Variants in LMO7 observed in about 807,000 individuals in gnomAD.
LMO7 encodes LIM domain only protein 7.
In LMO7, 120 loss-of-function variants were observed where a neutral mutation model predicts 206.5. The ratio of observed to expected loss-of-function variants is 0.58; its 90% CI spans 0.50 to 0.68. The LOEUF (loss-of-function observed/expected upper bound fraction) is 0.68. Among genes scored for constraint, LMO7 ranks in the 30% least tolerant of loss-of-function variants. The probability of loss-of-function intolerance (pLI) is 0.00; values close to 1 mark genes in which losing one functional copy is unlikely to be tolerated. For synonymous variants in LMO7, 706 were observed against 681.5 expected (o/e 1.04, Z -0.56); for missense variants, 1,959 against 1,957.9 (o/e 1.00, Z -0.01).
At chr13:75,752,997 A>G (rs1194056146) in intron 3 of LMO7, among the ~76,000 whole-genome samples, 5 of 152,016 alleles carry the variant, frequency 3.3e-5, no homozygotes, top group African/African-American at 1.2e-4. Flanking sequence ...TAGTTCTTTG[A>G]CAGATCTCCA....
chr13:75,790,402 A>G (rs1440946132), intron 4 of LMO7, among the ~76,000 whole-genome samples: 1 of 152,132 alleles, frequency 6.6e-6, no homozygotes, highest in Non-Finnish European at 1.5e-5. Context: ...GAAGTGATGC[A>G]ATCAAGTTCT....
At chr13:75,807,079 C>T in intron 9 of LMO7, 1 of 175,058 alleles carries the variant, frequency 5.7e-6, no homozygotes, top group Non-Finnish European at 1.2e-5. Context: ...AGAGATGGCG[C>T]CACTGCACTC....
chr13:75,835,091 G>T, intron 17 of LMO7, 142 bp from the exon 18 acceptor site: 2 of 1,026,384 alleles, frequency 1.9e-6, no homozygotes, highest in South Asian at 5.2e-5. Context: ...TGCATTCAAT[G>T]ACTTTATTCT....
chr13:75,720,844 A>G (rs543084527), intron 2 of LMO7, among the ~76,000 whole-genome samples: 9 of 152,224 alleles, frequency 5.9e-5, no homozygotes, highest in Non-Finnish European at 1.0e-4. Flanking sequence ...TTACTACCAT[A>G]GAAATTCTAG....
chr13:75,639,435 C>G (rs559687128), intron 1 of LMO7, among the ~76,000 whole-genome samples: 1 of 152,106 alleles, frequency 6.6e-6, no homozygotes, highest in African/African-American at 2.4e-5. Flanking sequence ...GTTGGAAAGG[C>G]TGTTTGATAC....
At chr13:75,837,545 A>G (rs964549602) in intron 19 of LMO7, among the ~76,000 whole-genome samples, 6 of 152,126 alleles carry the variant, frequency 3.9e-5, no homozygotes. Flanking sequence ...AGAAGTCAGA[A>G]TGTTTTTCTT....
intron 15 of LMO7, among the ~76,000 whole-genome samples, chr13:75,830,939 G>A (rs543001055): frequency 6.6e-6 from 1 of 151,620 alleles, no homozygotes; most frequent in Non-Finnish European, 1.5e-5. Context: ...TTGTCTGTTT[G>A]TCTCTCTTCC....
chr13:75,798,209 A>G (rs746415946), intron 6 of LMO7, among the ~76,000 whole-genome samples: 1 of 152,170 alleles, frequency 6.6e-6, no homozygotes, highest in Non-Finnish European at 1.5e-5. Flanking sequence ...CATCTCTACT[A>G]AAAATACAAA....
At chr13:75,765,459 G>A (rs547409809) in intron 4 of LMO7, among the ~76,000 whole-genome samples, 1 of 148,782 alleles carries the variant, frequency 6.7e-6, no homozygotes, top group East Asian at 2.0e-4. Flanking sequence ...CAACTCATGT[G>A]ACTATTTTAA....
At chr13:75,665,400 T>A (rs1013644266) in intron 1 of LMO7, among the ~76,000 whole-genome samples, 8 of 152,284 alleles carry the variant, frequency 5.3e-5, no homozygotes, top group Admixed American at 2.6e-4. Context: ...TAGATATTTT[T>A]AAAAATTTTT....
chr13:75,768,686 G>A (rs1279175045), intron 4 of LMO7, among the ~76,000 whole-genome samples: 7 of 152,056 alleles, frequency 4.6e-5, no homozygotes, highest in East Asian at 3.9e-4. Flanking sequence ...TCTGTGAAAA[G>A]TGTCATTTTG....
intron 2 of LMO7, among the ~76,000 whole-genome samples, chr13:75,726,806 C>A (rs508596): frequency 0.51 from 77,837 of 151,896 alleles, 21,377 homozygotes; most frequent in African/African-American, 0.71. Flanking sequence ...GTCTGTGTCT[C>A]CACATAAAGG....
chr13:75,720,603 A>G (rs1030845740), intron 2 of LMO7, among the ~76,000 whole-genome samples: 6 of 152,306 alleles, frequency 3.9e-5, no homozygotes, highest in Middle Eastern at 3.4e-3. Context: ...TGCTATAATT[A>G]TTGAGGGTCT....
chr13:75,671,961 T>A (rs2039621796), intron 1 of LMO7, among the ~76,000 whole-genome samples: 1 of 152,170 alleles, frequency 6.6e-6, no homozygotes, highest in African/African-American at 2.4e-5. Flanking sequence ...AAGTTTTGAA[T>A]GCTTTGGATA....
At chr13:75,648,163 G>T (rs1172365954) in intron 1 of LMO7, among the ~76,000 whole-genome samples, 1 of 151,856 alleles carries the variant, frequency 6.6e-6, no homozygotes, top group African/African-American at 2.4e-5. Context: ...GCCTAGGATG[G>T]TCTTGAACTC....
intron 1 of LMO7, among the ~76,000 whole-genome samples, chr13:75,663,440 T>TTCTTTC (rs1278909497): frequency 6.7e-3 from 380 of 56,456 alleles, no homozygotes; most frequent in African/African-American, 0.018. Context: ...TTCTTTTTTT[T>TTCTTTC]TTTTTTTTGA....
chr13:75,817,352 A>G (rs757158891), intron 12 of LMO7, 74 bp downstream of exon 12: 2 of 873,182 alleles, frequency 2.3e-6, no homozygotes, highest in Non-Finnish European at 3.7e-6. Flanking sequence ...AAGTCAATAT[A>G]CTCAAGACCA....
chr13:75,675,672 G>A (rs1445363420), intron 1 of LMO7, among the ~76,000 whole-genome samples: 1 of 152,190 alleles, frequency 6.6e-6, no homozygotes, highest in Non-Finnish European at 1.5e-5. Flanking sequence ...TTGCAGGCAT[G>A]TGGGTGAACT....
At chr13:75,667,381 C>A (rs916020119) in intron 1 of LMO7, among the ~76,000 whole-genome samples, 1 of 151,972 alleles carries the variant, frequency 6.6e-6, no homozygotes, top group Non-Finnish European at 1.5e-5. Context: ...TCTGGGTCAC[C>A]AATTGTTATC....
Sources: allele counts gnomAD v4.1 joint callset (sites outside exome capture counted in the v4.1 genomes callset), GRCh38; gene constraint gnomAD v4.1.1; transcripts MANE v1.5; gene names NCBI Gene and HGNC (gene_info 2026-07-23, HGNC 2026-07-21).